KCTD8: variants seen among roughly 807,000 people sequenced by gnomAD.
KCTD8 encodes potassium channel tetramerization domain containing 8.
In KCTD8, 27 loss-of-function variants were observed where a neutral mutation model predicts 31.5. The observed-to-expected ratio is 0.86, with a 90% CI of 0.63 to 1.18. The LOEUF (loss-of-function observed/expected upper bound fraction) is 1.18. KCTD8 is among the 50% of genes most tolerant of loss of function. The probability of loss-of-function intolerance (pLI) is 0.00; values close to 1 mark genes in which losing one functional copy is unlikely to be tolerated. For synonymous variants in KCTD8, 290 were observed against 280.0 expected, an observed-to-expected ratio of 1.04 and a Z score of -0.36; for missense variants, 658 against 647.7, an observed-to-expected ratio of 1.02 and a Z score of -0.17.
Position 44,268,496 on chromosome 4 carries a change from C to T in KCTD8, c.962-93246G>A, listed in dbSNP as rs1577584580. On this transcript the variant is annotated intron_variant, in intron 1 of 1. Transcript: ENST00000360029. ...TGAAAACTGGCACAAGACAGGGATG[C>T]CCTCTCTCACCACTCCTATTCAACA... Among the ~76,000 whole-genome samples the T allele has an allele frequency of 2.0e-5, 3 of 152,208 alleles. No homozygotes were observed. In the South Asian group the frequency reaches 6.2e-4, roughly 32 times the overall value.
intron 1 of KCTD8, among the ~76,000 whole-genome samples, chr4:44,324,585 G>C (rs938222935): frequency 6.6e-6 from 1 of 151,932 alleles, no homozygotes; most frequent in Admixed American, 6.6e-5. Flanking sequence ...CATGGTTTTC[G>C]ATCTTAAAGT....
chr4:44,425,055 G>A (rs1029298064), intron 1 of KCTD8, among the ~76,000 whole-genome samples: 2 of 151,946 alleles, frequency 1.3e-5, no homozygotes, highest in African/African-American at 4.8e-5. Flanking sequence ...ACCTGAAGAT[G>A]ACCATCTGCA....
chr4:44,341,894 A>G (rs951077266), intron 1 of KCTD8, among the ~76,000 whole-genome samples: 1 of 152,194 alleles, frequency 6.6e-6, no homozygotes, highest in Non-Finnish European at 1.5e-5. Flanking sequence ...ACTCAGATCT[A>G]TAGGAGGAGT....
chr4:44,223,952 G>C (rs1485127622), intron 1 of KCTD8, among the ~76,000 whole-genome samples: 1 of 152,052 alleles, frequency 6.6e-6, no homozygotes, highest in Non-Finnish European at 1.5e-5. Flanking sequence ...TTATTATCTG[G>C]CCCTTAAGAA....
At chr4:44,425,103 C>T (rs138773034) in intron 1 of KCTD8, among the ~76,000 whole-genome samples, 114 of 152,112 alleles carry the variant, frequency 7.5e-4, no homozygotes, top group African/African-American at 2.7e-3. Flanking sequence ...CCAACACTGT[C>T]TACACTTTGA....
intron 1 of KCTD8, among the ~76,000 whole-genome samples, chr4:44,422,582 T>C (rs549922077): frequency 6.6e-6 from 1 of 152,246 alleles, no homozygotes; most frequent in South Asian, 2.1e-4. Context: ...AATATAACCC[T>C]TAATTGCTTT....
intron 1 of KCTD8, among the ~76,000 whole-genome samples, chr4:44,272,330 C>A (rs1052151503): frequency 2.0e-5 from 3 of 151,122 alleles, no homozygotes; most frequent in Admixed American, 2.0e-4. Context: ...AACAAATAAG[C>A]AAAAAAATTT....
intron 1 of KCTD8, among the ~76,000 whole-genome samples, chr4:44,322,302 G>A (rs77412946): frequency 0.03 from 4,521 of 152,052 alleles, 290 homozygotes; most frequent in African/African-American, 0.1. Flanking sequence ...ACTGGAATAA[G>A]ATGATATTGT....
chr4:44,196,354 C>G (rs1016701487), intron 1 of KCTD8, among the ~76,000 whole-genome samples: 1 of 152,128 alleles, frequency 6.6e-6, no homozygotes, highest in Non-Finnish European at 1.5e-5. Context: ...TTTGTACAAT[C>G]TTTTACTTTT....
At chr4:44,408,045 G>C (rs952204102) in intron 1 of KCTD8, among the ~76,000 whole-genome samples, 2 of 152,086 alleles carry the variant, frequency 1.3e-5, no homozygotes, top group East Asian at 3.9e-4. Flanking sequence ...AAAGAATATA[G>C]TAGATTGGGG....
chr4:44,214,498 G>T (rs2109345058), intron 1 of KCTD8, among the ~76,000 whole-genome samples: 1 of 152,250 alleles, frequency 6.6e-6, no homozygotes, highest in South Asian at 2.1e-4. Context: ...ATGATACACA[G>T]CTTTGTATTT....
chr4:44,244,023 T>G (rs146377824), intron 1 of KCTD8, among the ~76,000 whole-genome samples: 28 of 152,280 alleles, frequency 1.8e-4, no homozygotes, highest in Admixed American at 4.6e-4. Context: ...TCCTGACTAT[T>G]CTCAGGTAGG....
At chr4:44,185,651 C>T (rs1332191762) in intron 1 of KCTD8, among the ~76,000 whole-genome samples, 1 of 152,132 alleles carries the variant, frequency 6.6e-6, no homozygotes, top group Middle Eastern at 3.2e-3. Context: ...CTTGCCCATG[C>T]CCCTTTTAGC....
intron 1 of KCTD8, among the ~76,000 whole-genome samples, chr4:44,337,743 CAAT>C (rs1718791073): frequency 6.6e-6 from 1 of 150,546 alleles, no homozygotes; most frequent in Non-Finnish European, 1.5e-5. Flanking sequence ...TGAAAAATTG[CAAT>C]AATATGGTAT....
At chr4:44,344,171 T>TTTAATTAA (rs59061396) in intron 1 of KCTD8, among the ~76,000 whole-genome samples, 1 of 151,880 alleles carries the variant, frequency 6.6e-6, no homozygotes, top group Non-Finnish European at 1.5e-5. Context: ...TTACAGGTTT[T>TTTAATTAA]TTAATTAATT....
intron 1 of KCTD8, among the ~76,000 whole-genome samples, chr4:44,176,749 C>T (rs946462822): frequency 2.6e-5 from 4 of 152,120 alleles, no homozygotes; most frequent in African/African-American, 7.2e-5. Flanking sequence ...ACTGATAGAA[C>T]TGTATGCCTT....
intron 1 of KCTD8, among the ~76,000 whole-genome samples, chr4:44,321,233 C>G (rs1577614788): frequency 6.6e-6 from 1 of 152,280 alleles, no homozygotes; most frequent in East Asian, 1.9e-4. Flanking sequence ...GCTATTAAAT[C>G]AGGAACAATG....
chr4:44,361,067 T>G (rs922178726), intron 1 of KCTD8, among the ~76,000 whole-genome samples: 2 of 152,024 alleles, frequency 1.3e-5, no homozygotes, highest in East Asian at 3.9e-4. Context: ...CAGTGAGATT[T>G]TTTTTCTCCC....
intron 1 of KCTD8, among the ~76,000 whole-genome samples, chr4:44,382,604 C>CT (rs895892329): frequency 3.3e-5 from 5 of 151,992 alleles, no homozygotes; most frequent in African/African-American, 1.2e-4. Context: ...GTGGTGGGCA[C>CT]CTGTAATCCC....
Sources: allele counts gnomAD v4.1 joint callset (sites outside exome capture counted in the v4.1 genomes callset), GRCh38; gene constraint gnomAD v4.1.1; transcripts MANE v1.5; gene names NCBI Gene and HGNC (gene_info 2026-07-23, HGNC 2026-07-21).